The following FBXO31 variants were observed in gnomAD, a reference collection of about 807,000 sequenced individuals.
The protein encoded by FBXO31 is F-box only protein 31.
Under a neutral mutation model 54.4 loss-of-function variants are expected in FBXO31, and 24 were observed. The ratio of observed to expected loss-of-function variants is 0.44; its 90% CI spans 0.32 to 0.62. FBXO31 has a LOEUF of 0.62. Among genes scored for constraint, FBXO31 ranks in the 20% least tolerant of loss-of-function variants. FBXO31 has a pLI of 0.05. For missense variants in FBXO31, 665 were observed against 787.1 expected, an observed-to-expected ratio of 0.84 and a Z score of 1.86; for synonymous variants, 388 against 335.6, an observed-to-expected ratio of 1.16 and a Z score of -1.71.
intron 1 of FBXO31, among the ~76,000 whole-genome samples, chr16:87,364,353 G>T (rs896041363): frequency 2.0e-5 from 3 of 152,232 alleles, no homozygotes; most frequent in African/African-American, 7.2e-5. Context: ...GAATCACAGG[G>T]CACTCTAGTG....
chr16:87,384,045 A>G (rs958782911), upstream of FBXO31: 3 of 180,182 alleles, frequency 1.7e-5, no homozygotes, highest in East Asian at 3.1e-4. Flanking sequence ...GCTCGAACTC[A>G]CGACCTTCAG....
Position 87,383,031 on chromosome 16 carries a change from C to T in FBXO31, c.340+374G>A, listed in dbSNP as rs975611842. On this transcript the variant is annotated intron_variant, in intron 1 of 8. Coordinates refer to ENST00000311635, the MANE Select transcript of FBXO31 (RefSeq NM_024735.5). This position sits in a 1 kb window ranked among gnomAD's most constrained non-coding sequence, Gnocchi z 4.9. ...AGGGGCAGAGGAGGCGGCCCCCAGGCGTCAGCTTAGGCCCCGCGCAGACCT... is the reference window on the plus strand; with the variant it reads ...AGGGGCAGAGGAGGCGGCCCCCAGGTGTCAGCTTAGGCCCCGCGCAGACCT... Among the ~76,000 whole-genome samples the T allele has an allele frequency of 1.3e-5, 2 of 152,148 alleles. No individual in the cohort carries two copies. The highest frequency in any genetic ancestry group is 2.4e-5 in the African/African-American group (1 of 41,450).
chr16:87,383,411 G>T lies in FBXO31; in HGVS notation c.334C>A (p.Arg112Ser). The change falls in exon 1 of 9, where the codon CGT becomes AGT. Residue 112 changes from arginine to serine, a missense_variant. Transcript: ENST00000311635. The surrounding 1 kb of genome is among the most constrained non-coding windows in gnomAD (Gnocchi z 4.9). ...GCCACCCCCGCGCGCTCACCCTCACGGCAACGCCTCCTCCAGATGGTGTCG... is the reference window on the plus strand; with the variant it reads ...GCCACCCCCGCGCGCTCACCCTCACTGCAACGCCTCCTCCAGATGGTGTCG... The part of the protein sequence containing the change: ...HTDTIWRRRC[R>S]EEYGVCENLR... 7.0e-7 allele frequency: 1 copy of T among 1,433,934 alleles called. No homozygotes were observed. Among genetic ancestry groups the T allele is most frequent in the Non-Finnish European group, 9.3e-7 (1 of 1,071,650 alleles). The allele number at this position is 1,433,934 out of a possible 1,614,324, so 88.8% of individuals were successfully genotyped here.
chr16:87,385,468 A>AC (rs1907297294), upstream of FBXO31, among the ~76,000 whole-genome samples: 1 of 150,390 alleles, frequency 6.6e-6, no homozygotes, highest in Non-Finnish European at 1.5e-5. Context: ...AAAAAAAAAA[A>AC]AAAATGGTTT....
intron 1 of FBXO31, among the ~76,000 whole-genome samples, chr16:87,364,073 C>G (rs1204783049): frequency 6.6e-6 from 1 of 152,148 alleles, no homozygotes; most frequent in African/African-American, 2.4e-5. Flanking sequence ...ACCTCCTGTT[C>G]CATTATAATC....
chr16:87,336,906 T>C lies in FBXO31; in HGVS notation c.733-642A>G, dbSNP rs1905059959. Among the ~76,000 whole-genome samples the C allele has an allele frequency of 6.6e-6, 1 of 152,224 alleles. No homozygotes were observed. The highest frequency in any genetic ancestry group is 1.9e-4 in the East Asian group (1 of 5,198). ...CTTAATGGTTTGATTCTACACAATT[T>C]ACAGAATTCACCCAAACTTCCAAGT... On this transcript the variant is annotated intron_variant, in intron 5 of 8. Coordinates refer to ENST00000311635, the MANE Select transcript of FBXO31 (RefSeq NM_024735.5). This position sits in a 1 kb window ranked among gnomAD's most constrained non-coding sequence, Gnocchi z 6.5.
In FBXO31 at chr16:87,346,020, C is replaced by T. The variant is rs549853061; in HGVS notation, c.489+1154G>A. 6.6e-5 allele frequency among the ~76,000 whole-genome samples: 10 copies of T among 152,024 alleles called. No homozygotes were observed. The East Asian group carries it at 1.9e-3, about 29-fold the overall frequency. The stretch of plus-strand genomic sequence containing the variant: ...GAGGTGGAGGAGGGAAGCAGAGTGG[C>T]TGCTGAGAGGAGAAGGGGCCAAGCG... On this transcript the variant is annotated intron_variant, in intron 3 of 8. Coordinates refer to ENST00000311635, the MANE Select transcript of FBXO31 (RefSeq NM_024735.5). The surrounding 1 kb of genome is among the most constrained non-coding windows in gnomAD (Gnocchi z 4.2).
At chr16:87,384,369 G>A (rs968608269), upstream of FBXO31, among the ~76,000 whole-genome samples, 5 of 152,202 alleles carry the variant, frequency 3.3e-5, no homozygotes, top group African/African-American at 9.7e-5. Context: ...CGGGGATCCC[G>A]AGCTCCCTGC....
Position 87,379,981 on chromosome 16 carries a change from G to C in FBXO31, c.340+3424C>G, listed in dbSNP as rs144049145. Among the ~76,000 whole-genome samples the C allele has an allele frequency of 4.1e-3, 601 of 145,514 alleles. 5 individuals carry two copies. The highest frequency in any genetic ancestry group is 0.014 in the African/African-American group (559 of 39,264). On this transcript the variant is annotated intron_variant, in intron 1 of 8. Coordinates refer to ENST00000311635, the MANE Select transcript of FBXO31 (RefSeq NM_024735.5). ...CCACTGCACTCCAGCCTGGGCAAGAGAGCGAGACTCCGCTCCAAAAGAAAA... is the reference window on the plus strand; with the variant it reads ...CCACTGCACTCCAGCCTGGGCAAGACAGCGAGACTCCGCTCCAAAAGAAAA...
chr16:87,379,534 A>G (rs565901757), intron 1 of FBXO31, among the ~76,000 whole-genome samples: 140 of 152,302 alleles, frequency 9.2e-4, no homozygotes, highest in African/African-American at 3.3e-3. Context: ...GGTTTTCCGC[A>G]TTGTGCCTGC....
chr16:87,339,169 A>G (rs1157506436), intron 5 of FBXO31, among the ~76,000 whole-genome samples: 1 of 152,242 alleles, frequency 6.6e-6, no homozygotes, highest in East Asian at 1.9e-4. Flanking sequence ...GTGCTGATCC[A>G]GAAGTTCTCA....
intron 7 of FBXO31, among the ~76,000 whole-genome samples, chr16:87,334,833 C>G (rs1188144442): frequency 6.6e-6 from 1 of 152,226 alleles, no homozygotes; most frequent in East Asian, 1.9e-4. Flanking sequence ...AGCCCCTGTT[C>G]ACTGCTGGGC....
intron 2 of FBXO31, among the ~76,000 whole-genome samples, chr16:87,356,931 C>T (rs1378358646): frequency 2.0e-5 from 3 of 152,116 alleles, no homozygotes; most frequent in Non-Finnish European, 4.4e-5. Context: ...TCCATCACCA[C>T]TCAACCACTC....
At chr16:87,366,324 T>C (rs2150689880) in intron 1 of FBXO31, among the ~76,000 whole-genome samples, 1 of 152,356 alleles carries the variant, frequency 6.6e-6, no homozygotes, top group South Asian at 2.1e-4. Context: ...CTGCCCTTCC[T>C]TGCAATTTTT....
chr16:87,343,879 A>G (rs2150674637), intron 3 of FBXO31, 114 bp from the exon 4 acceptor site: 9 of 1,153,676 alleles, frequency 7.8e-6, no homozygotes, highest in South Asian at 5.8e-5. Flanking sequence ...AGACCAGCAC[A>G]TGGGACCTGC....
chr16:87,391,132 C>T (rs1343325714), upstream of FBXO31, among the ~76,000 whole-genome samples: 1 of 152,096 alleles, frequency 6.6e-6, no homozygotes, highest in African/African-American at 2.4e-5. Flanking sequence ...GGGAGGGTTG[C>T]TTGAGGCCAG....
At position 87,336,598 on chromosome 16, in the gene FBXO31, G is replaced by A. The variant is rs960564741; in HGVS notation, c.733-334C>T. Among the ~76,000 whole-genome samples, 7 of 151,562 alleles carry A rather than the reference G, an allele frequency of 4.6e-5. No homozygotes were observed. Among genetic ancestry groups the A allele is most frequent in the African/African-American group, 9.7e-5 (4 of 41,200 alleles). ...GGTGGGCCTCCCTTCCATGCCCACC[G>A]GTGGGGCAGGAACAGCATCTACACA... On this transcript the variant is annotated intron_variant, in intron 5 of 8. Coordinates refer to ENST00000311635, the MANE Select transcript of FBXO31 (RefSeq NM_024735.5). This position sits in a 1 kb window ranked among gnomAD's most constrained non-coding sequence, Gnocchi z 6.5.
intron 1 of FBXO31, among the ~76,000 whole-genome samples, chr16:87,376,819 T>C (rs1354736184): frequency 6.6e-6 from 1 of 152,236 alleles, no homozygotes; most frequent in Non-Finnish European, 1.5e-5. Flanking sequence ...TGTTTCTCAC[T>C]TGAACTGGCC....
intron 1 of FBXO31, among the ~76,000 whole-genome samples, chr16:87,374,291 T>G (rs928086026): frequency 6.6e-6 from 1 of 150,896 alleles, no homozygotes; most frequent in Non-Finnish European, 1.5e-5. Flanking sequence ...GAAAATGCAC[T>G]GACTACTTGA....
Sources: allele counts gnomAD v4.1 joint callset (sites outside exome capture counted in the v4.1 genomes callset), GRCh38; gene constraint gnomAD v4.1.1; non-coding constraint Gnocchi (gnomAD v3.1); transcripts MANE v1.5; gene names NCBI Gene and HGNC (gene_info 2026-07-23, HGNC 2026-07-21).